TACC3: variants seen among roughly 807,000 people sequenced by gnomAD.
TACC3 encodes transforming acidic coiled-coil-containing protein 3.
In TACC3, 52 loss-of-function variants were observed where a neutral mutation model predicts 86.0. The observed-to-expected ratio is 0.60, with a 90% confidence interval of 0.48 to 0.76. TACC3 has a LOEUF of 0.76. TACC3 is among the 30% of genes least tolerant of loss of function. The pLI is 0.00. For synonymous variants in TACC3, 512 were observed against 430.0 expected (o/e 1.19, Z -2.36); for missense variants, 1,120 against 1,070.4 (o/e 1.05, Z -0.65).
At chr4:1,730,758 G>A (rs1310309897) in intron 4 of TACC3, 129 bp from the exon 5 acceptor site, 7 of 1,089,364 alleles carry the variant, frequency 6.4e-6, no homozygotes, top group South Asian at 1.3e-5. Flanking sequence ...TGCCTGGCAC[G>A]CTCTAGCTGA....
chr4:1,739,534 C>T (rs1232778749), intron 10 of TACC3, 168 bp from the exon 11 acceptor site: 4 of 637,720 alleles, frequency 6.3e-6, no homozygotes, highest in Admixed American at 5.7e-5. Flanking sequence ...AGCAGGTGGC[C>T]TTGGCCTCGA....
intron 6 of TACC3, 64 bp downstream of exon 6, chr4:1,731,365 C>T: frequency 6.4e-7 from 1 of 1,571,678 alleles, no homozygotes. Context: ...AGCACTTGGG[C>T]AGCTCGAGAC....
At chr4:1,726,269 G>A (rs1478070870) in intron 3 of TACC3, among the ~76,000 whole-genome samples, 2 of 152,296 alleles carry the variant, frequency 1.3e-5, no homozygotes, top group Non-Finnish European at 2.9e-5. Context: ...GGGAGGCGTC[G>A]CAGAGGCCAC....
At chr4:1,721,991 A>G in intron 1 of TACC3, 1 of 151,088 alleles carries the variant, frequency 6.6e-6, no homozygotes. Flanking sequence ...CAGCACGCGG[A>G]CCCTCCTGTT....
Position 1,723,726 on chromosome 4 carries a change from A to G in TACC3, c.163-2A>G. ...GGTGCTCTCCTCCTCACTCCGCAAC[A>G]GGTGACTTTTCAGACACCTCTGCGG... On this transcript the variant is annotated splice_acceptor_variant, in intron 2 of 15. Transcript: ENST00000313288. LOFTEE classifies it high-confidence loss of function. 1 of 1,613,734 alleles carries G rather than the reference A, an allele frequency of 6.2e-7. No individual in the cohort carries two copies. The highest frequency in any genetic ancestry group is 1.1e-5 in the South Asian group (1 of 91,090).
rs771999290 is a variant in TACC3, at chr4:1,727,828, C to T, written c.426C>T (p.Ser142=). The T allele has an allele frequency of 6.2e-6, 10 of 1,612,898 alleles. No homozygotes were observed. Among genetic ancestry groups the T allele is most frequent in the East Asian group, 4.5e-5 (2 of 44,902 alleles). Residue 142 remains serine (S), a synonymous_variant, in exon 4 of 16, where the codon AGC becomes AGT. Transcript: ENST00000313288. ...CAGCCTTTGGGAGTGGCAGCTCCAG[C>T]GAGTCTGGCCCAGGTGCCCTGGCTG... ...ASPAFGSGSS[S]ESGPGALADL... is the part of the protein sequence containing the mutation.
intron 13 of TACC3, chr4:1,741,676 T>C (rs1274006413): frequency 2.0e-5 from 3 of 152,006 alleles, no homozygotes; most frequent in South Asian, 4.1e-4. Context: ...TGCAAGGGGG[T>C]TGGGGACACC....
rs1469125485 is a variant in TACC3, at chr4:1,739,709, C to T, written c.1949C>T (p.Ala650Val). Residue 650 changes from alanine (A) to valine (V), a missense_variant, in exon 11 of 16, where the codon GCG (alanine) becomes GTG (valine). Ala to Val is a moderately conservative substitution (Grantham distance 64, BLOSUM62 0). Coordinates refer to ENST00000313288, the MANE Select transcript of TACC3 (RefSeq NM_006342.3). ...SQKDLDAVVK[A>V]TQEENRELRS... The stretch of plus-strand genomic sequence containing the variant: ...TGGGTGTGGCCTGAGCAGGTAAAGG[C>T]GACACAGGAGGAGAACCGGGAGCTG... 8 of 1,579,452 alleles carry T rather than the reference C, an allele frequency of 5.1e-6. No homozygotes were observed. Among genetic ancestry groups the T allele is most frequent in the East Asian group, 2.3e-5 (1 of 42,786 alleles).
At position 1,740,965 on chromosome 4, in the gene TACC3, G is replaced by A. The variant is rs753141296; in HGVS notation, c.2202G>A (p.Glu734=). The change falls in exon 13 of 16, where the codon GAG becomes GAA. Residue 734 remains glutamate, a synonymous_variant. Transcript: ENST00000313288. ...DLFKRFEKQK[E]VIEGYRKNEE... is the part of the protein sequence containing the mutation. ...TCAAGCGTTTTGAGAAACAGAAAGA[G>A]GTGATCGAGGGCTACCGCAAGGTAT... 1 of 1,608,868 alleles carries A rather than the reference G, an allele frequency of 6.2e-7. No homozygotes were observed. The highest frequency in any genetic ancestry group is 1.7e-5 in the Admixed American group (1 of 58,964).
rs942704770 is a variant in TACC3, at chr4:1,723,387, C to T, written c.-1-34C>T. ...GTCTGGACAATGTGGTAGTGTTGCC[C>T]TCACACTGACACAAACATGTTCTGC... On this transcript the variant is annotated intron_variant, in intron 1 of 15. Coordinates refer to ENST00000313288, the MANE Select transcript of TACC3 (RefSeq NM_006342.3). The T allele has an allele frequency of 5.6e-6, 9 of 1,601,816 alleles. No individual in the cohort carries two copies. The East Asian group carries it at 8.9e-5, about 16-fold the overall frequency.
At chr4:1,743,273 G>C (rs989758911) in intron 13 of TACC3, among the ~76,000 whole-genome samples, 4 of 138,704 alleles carry the variant, frequency 2.9e-5, no homozygotes, top group Non-Finnish European at 6.2e-5. Context: ...AAAAAAAAAA[G>C]CCTGGGCACA....
intron 10 of TACC3, among the ~76,000 whole-genome samples, chr4:1,738,514 G>A (rs745488495): frequency 2.0e-5 from 3 of 152,228 alleles, no homozygotes; most frequent in Non-Finnish European, 2.9e-5. Context: ...GGGGCAGGTG[G>A]CCCCTGCATG....
rs1553829136 is a variant in TACC3 at position 1,736,444 on chromosome 4, AAC to A, written c.1748+611_1748+612del. Among the ~76,000 whole-genome samples, 1,199 of 149,798 alleles carry A rather than the reference AAC, an allele frequency of 8.0e-3. 9 individuals are homozygous for A. Among genetic ancestry groups the A allele is most frequent in the South Asian group, 0.034 (154 of 4,582 alleles). The stretch of plus-strand genomic sequence containing the variant: ...TCTCAAAAAAAAAAAAAAAAAAAAA[AAC>A]CAAAAAATAGAGGTCAGCAAACTAT... On this transcript the variant is annotated intron_variant, in intron 8 of 15. Transcript: ENST00000313288.
intron 8 of TACC3, among the ~76,000 whole-genome samples, chr4:1,736,850 C>G (rs1718291859): frequency 6.6e-6 from 1 of 151,810 alleles, no homozygotes; most frequent in South Asian, 2.1e-4. Flanking sequence ...GCAGGGGTTG[C>G]AGGGAGCCGA....
At chr4:1,730,683 C>CGTGTT in intron 4 of TACC3, 2 of 713,674 alleles carry the variant, frequency 2.8e-6, no homozygotes, top group South Asian at 2.9e-5. Flanking sequence ...AGGCAAGGCG[C>CGTGTT]GTGTTTTCCT....
intron 8 of TACC3, among the ~76,000 whole-genome samples, 181 bp from the exon 9 acceptor site, chr4:1,737,060 G>T (rs1270002344): frequency 6.6e-6 from 1 of 152,212 alleles, no homozygotes; most frequent in Non-Finnish European, 1.5e-5. Flanking sequence ...AGGGAGGGGG[G>T]CACGGAGCAG....
chr4:1,723,538 A>G lies in TACC3; in HGVS notation c.117A>G (p.Ser39=). 6.2e-7 allele frequency: 1 copy of G among 1,613,750 alleles called. No homozygotes were observed. The change falls in exon 2 of 16, where the codon TCA becomes TCG. Residue 39 remains serine (S), a synonymous_variant. Coordinates refer to ENST00000313288, the MANE Select transcript of TACC3 (RefSeq NM_006342.3). ...GAAGATCGTCTGTTCTTCGTGTGTC[A>G]CAGAAAGAAAATGTGCCACCCAAGA... ...VTGRSSVLRV[S]QKENVPPKNL...
intron 13 of TACC3, chr4:1,741,648 A>T (rs2108719733): frequency 6.6e-6 from 1 of 152,352 alleles, no homozygotes; most frequent in South Asian, 2.1e-4. Flanking sequence ...CAGCTGGAAG[A>T]GGGGCTGTCA....
chr4:1,728,366 G>A lies in TACC3; in HGVS notation c.964G>A (p.Val322Met). ...RAMTLSPQEE[V>M]AAGQMASSSR... ...CATGACCCTGAGTCCTCAGGAAGAA[G>A]TGGCTGCAGGCCAAATGGCCAGCTC... The change falls in exon 4 of 16, where the codon GTG (valine) becomes ATG (methionine). Residue 322 changes from valine (V) to methionine (M), a missense_variant. Coordinates refer to ENST00000313288, the MANE Select transcript of TACC3 (RefSeq NM_006342.3). 1 of 1,613,142 alleles carries A rather than the reference G, an allele frequency of 6.2e-7. No homozygotes were observed. The highest frequency in any genetic ancestry group is 8.5e-7 in the Non-Finnish European group (1 of 1,180,034).
Sources: gnomAD v4.1 joint callset for allele counts (sites outside exome capture counted in the v4.1 genomes callset) on GRCh38, gnomAD v4.1.1 for gene constraint, MANE v1.5 for transcripts, NCBI Gene and HGNC (gene_info 2026-07-23, HGNC 2026-07-21) for gene names.